LIN9: variants seen among roughly 807,000 people sequenced by gnomAD.
The protein encoded by LIN9 is protein lin-9 homolog.
A neutral mutation model predicts 78.0 loss-of-function variants in LIN9; 18 were observed. The observed-to-expected ratio is 0.23, with a 90% CI of 0.16 to 0.34. LIN9 has a LOEUF of 0.34. Among genes scored for constraint, LIN9 ranks in the 10% least tolerant of loss-of-function variants. LIN9 has a pLI of 1.00. For missense variants in LIN9, 451 were observed against 644.1 expected, an observed-to-expected ratio of 0.70 and a Z score of 3.25; for synonymous variants, 192 against 215.2, an observed-to-expected ratio of 0.89 and a Z score of 0.94.
intron 1 of LIN9, among the ~76,000 whole-genome samples, chr1:226,305,168 T>C (rs1158802314): frequency 2.0e-5 from 3 of 151,118 alleles, no homozygotes; most frequent in Non-Finnish European, 4.4e-5. Flanking sequence ...AGACTCCATC[T>C]TTAAAAAAAA....
At chr1:226,261,670 A>C (rs1462135695) in intron 10 of LIN9, among the ~76,000 whole-genome samples, 1 of 152,234 alleles carries the variant, frequency 6.6e-6, no homozygotes, top group East Asian at 1.9e-4. Context: ...AAGAAGACAC[A>C]ACACTGTCAA....
At chr1:226,252,945 G>A (rs570626687) in intron 10 of LIN9, among the ~76,000 whole-genome samples, 35 of 151,982 alleles carry the variant, frequency 2.3e-4, no homozygotes, top group African/African-American at 6.5e-4. Context: ...CAGCCTGGGG[G>A]ACAAGAGCGA....
intron 10 of LIN9, among the ~76,000 whole-genome samples, chr1:226,260,929 G>A (rs897334034): frequency 6.6e-6 from 1 of 151,750 alleles, no homozygotes; most frequent in Non-Finnish European, 1.5e-5. Flanking sequence ...ACAGGCGTGA[G>A]CCACCGCACC....
At chr1:226,273,982 C>T (rs1013896894) in intron 7 of LIN9, among the ~76,000 whole-genome samples, 1 of 151,992 alleles carries the variant, frequency 6.6e-6, no homozygotes, top group Non-Finnish European at 1.5e-5. Flanking sequence ...GGATTACAGG[C>T]GTACATCACT....
intron 11 of LIN9, among the ~76,000 whole-genome samples, 162 bp downstream of exon 11, chr1:226,250,677 A>T (rs952521016): frequency 6.6e-6 from 1 of 152,178 alleles, no homozygotes; most frequent in Non-Finnish European, 1.5e-5. Context: ...CAGCCTCCCA[A>T]GAAGGTGGAC....
At chr1:226,256,586 T>G (rs1336227363) in intron 10 of LIN9, among the ~76,000 whole-genome samples, 1 of 150,926 alleles carries the variant, frequency 6.6e-6, no homozygotes, top group African/African-American at 2.4e-5. Context: ...TGAGACAGAG[T>G]CTCGCTCTGT....
Position 226,256,651 on chromosome 1 carries a change from T to C in LIN9, c.1039-5732A>G, listed in dbSNP as rs1287159547. ...TTGGCTCACTGCAAGCTCCGCCTCC[T>C]GGGTTCACAACAGTCTCCTGCCTCA... On this transcript the variant is annotated intron_variant, in intron 10 of 14. Coordinates refer to ENST00000681046, the MANE Select transcript of LIN9 (RefSeq NM_001366245.2). Among the ~76,000 whole-genome samples the C allele has an allele frequency of 1.1e-4, 16 of 151,352 alleles. No individual in the cohort carries two copies. In the South Asian group the frequency reaches 3.4e-3, roughly 32 times the overall value.
chr1:226,275,071 T>G (rs889921061), intron 7 of LIN9, among the ~76,000 whole-genome samples: 1 of 152,282 alleles, frequency 6.6e-6, no homozygotes, highest in African/African-American at 2.4e-5. Context: ...GGTGTTGAAT[T>G]TTTTTCTTGT....
At chr1:226,249,187 A>C (rs889269275) in intron 11 of LIN9, among the ~76,000 whole-genome samples, 5 of 152,204 alleles carry the variant, frequency 3.3e-5, no homozygotes, top group African/African-American at 1.2e-4. Context: ...AGAAAAACAG[A>C]AGTGGGGTGG....
chr1:226,297,941 A>G (rs1043810325), intron 2 of LIN9, 128 bp from the exon 3 acceptor site: 23 of 393,366 alleles, frequency 5.8e-5, no homozygotes, highest in Non-Finnish European at 8.5e-5. Context: ...ACTGACTATA[A>G]TAATTTTAGA....
At chr1:226,305,336 A>C (rs1383173966) in intron 1 of LIN9, among the ~76,000 whole-genome samples, 6 of 150,186 alleles carry the variant, frequency 4.0e-5, no homozygotes, top group African/African-American at 1.5e-4. Flanking sequence ...AAAAAAAAAA[A>C]AAAAACCTTA....
chr1:226,286,956 T>A (rs193253065), intron 5 of LIN9, among the ~76,000 whole-genome samples: 1 of 152,290 alleles, frequency 6.6e-6, no homozygotes, highest in Non-Finnish European at 1.5e-5. Flanking sequence ...ACAATTCTAT[T>A]CATGAGTCTG....
chr1:226,307,263 C>A (rs1662973218), intron 1 of LIN9, among the ~76,000 whole-genome samples: 1 of 152,072 alleles, frequency 6.6e-6, no homozygotes, highest in South Asian at 2.1e-4. Flanking sequence ...ATAAAGATAC[C>A]AAGGATGATG....
intron 6 of LIN9, among the ~76,000 whole-genome samples, chr1:226,278,373 G>A (rs1660801517): frequency 6.6e-6 from 1 of 151,234 alleles, no homozygotes; most frequent in Non-Finnish European, 1.5e-5. Flanking sequence ...AGGTTGCAGT[G>A]AGCTGAGATT....
chr1:226,250,162 C>A (rs1277405674), intron 11 of LIN9, among the ~76,000 whole-genome samples: 2 of 149,318 alleles, frequency 1.3e-5, no homozygotes, highest in African/African-American at 2.5e-5. Context: ...GAGCAAAATT[C>A]CATCTCAGAA....
At chr1:226,254,576 T>A (rs1659064207) in intron 10 of LIN9, among the ~76,000 whole-genome samples, 1 of 152,052 alleles carries the variant, frequency 6.6e-6, no homozygotes, top group South Asian at 2.1e-4. Context: ...AAGGTGCTAC[T>A]CCATCCTAAC....
chr1:226,304,732 G>A (rs1662794073), intron 1 of LIN9, among the ~76,000 whole-genome samples: 1 of 152,132 alleles, frequency 6.6e-6, no homozygotes, highest in African/African-American at 2.4e-5. Context: ...CTTGCATAGG[G>A]AAGAATGGTA....
rs529203108 is a variant in LIN9 at position 226,266,191 on chromosome 1, G to C, written c.936+22C>G. On this transcript the variant is annotated intron_variant, in intron 9 of 14. Coordinates refer to ENST00000681046, the MANE Select transcript of LIN9 (RefSeq NM_001366245.2). ...CTTCATAAAAATCAATTAAATTATT[G>C]ATATTTCTAAAATATACTTACTATA... is the stretch of plus-strand genomic sequence containing the variant. 3.4e-6 allele frequency: 5 copies of C among 1,478,616 alleles called. No individual in the cohort carries two copies. The East Asian group carries it at 7.6e-5, about 22-fold the overall frequency. The allele number at this position is 1,478,616 out of a possible 1,614,324, so 91.6% of individuals were successfully genotyped here. A position where few individuals can be genotyped will look rare whatever the true frequency, so the allele number is the denominator to read the frequency against.
intron 1 of LIN9, among the ~76,000 whole-genome samples, chr1:226,305,315 G>GAAA (rs111859953): frequency 3.9e-5 from 3 of 77,502 alleles, no homozygotes; most frequent in Admixed American, 1.7e-4. Flanking sequence ...ACAAAAAAAA[G>GAAA]AAAAAAAAAA....
Sources: gnomAD v4.1 joint callset for allele counts (sites outside exome capture counted in the v4.1 genomes callset) on GRCh38, gnomAD v4.1.1 for gene constraint, MANE v1.5 for transcripts, NCBI Gene and HGNC (gene_info 2026-07-23, HGNC 2026-07-21) for gene names.